The following LUZP2 variants were observed in gnomAD, a reference collection of about 807,000 sequenced individuals.
LUZP2 encodes the protein leucine zipper protein 2.
LUZP2 carries 52 observed loss-of-function variants against 51.6 expected under a neutral mutation model. The observed-to-expected ratio is 1.01, with a 90% CI of 0.81 to 1.27. The LOEUF (loss-of-function observed/expected upper bound fraction) is 1.27. Among genes scored for constraint, LUZP2 ranks in the 50% most tolerant of loss-of-function variants. The pLI, the probability that LUZP2 is intolerant of heterozygous loss-of-function variation, is 0.00. For synonymous variants in LUZP2, 154 were observed against 137.3 expected (o/e 1.12, Z -0.85); for missense variants, 436 against 395.4 (o/e 1.10, Z -0.87).
At chr11:24,675,606 A>C (rs927563112) in intron 1 of LUZP2, among the ~76,000 whole-genome samples, 1 of 152,230 alleles carries the variant, frequency 6.6e-6, no homozygotes, top group Admixed American at 6.5e-5. Flanking sequence ...TGAATAAAGT[A>C]AGCTCTACAT....
At chr11:24,989,357 A>G (rs183841097) in intron 9 of LUZP2, among the ~76,000 whole-genome samples, 2 of 152,194 alleles carry the variant, frequency 1.3e-5, no homozygotes, top group African/African-American at 4.8e-5. Flanking sequence ...CAAATCTCAC[A>G]TTCCTAAAGA....
intron 9 of LUZP2, among the ~76,000 whole-genome samples, chr11:25,000,881 T>A (rs1416757589): frequency 1.3e-5 from 2 of 151,352 alleles, no homozygotes; most frequent in African/African-American, 4.8e-5. Flanking sequence ...GAATAGATTT[T>A]GTTATTTCTT....
At chr11:24,826,190 A>AAAAAAAAAATATATAT (rs1215786412) in intron 5 of LUZP2, among the ~76,000 whole-genome samples, 10 of 67,546 alleles carry the variant, frequency 1.5e-4, no homozygotes, top group African/African-American at 3.5e-4. Context: ...AAAAAAAAAA[A>AAAAAAAAAATATATAT]ATATATATAT....
chr11:24,961,130 G>C (rs1338216695), intron 7 of LUZP2, among the ~76,000 whole-genome samples: 1 of 152,120 alleles, frequency 6.6e-6, no homozygotes, highest in Non-Finnish European at 1.5e-5. Flanking sequence ...TATAATTTCT[G>C]TTCTTTTACA....
chr11:24,990,205 T>C (rs1243986374), intron 9 of LUZP2, among the ~76,000 whole-genome samples: 5 of 152,032 alleles, frequency 3.3e-5, no homozygotes, highest in Non-Finnish European at 7.4e-5. Context: ...TCAGGTTGCT[T>C]ATATCTAGCA....
At chr11:24,670,402 C>T (rs1565066790) in intron 1 of LUZP2, among the ~76,000 whole-genome samples, 1 of 152,004 alleles carries the variant, frequency 6.6e-6, no homozygotes, top group Non-Finnish European at 1.5e-5. Flanking sequence ...AATAAAGCTT[C>T]AAATAGTTAA....
chr11:25,036,370 TG>T (rs1332801290), intron 9 of LUZP2, among the ~76,000 whole-genome samples: 1 of 152,068 alleles, frequency 6.6e-6, no homozygotes, highest in Non-Finnish European at 1.5e-5. Flanking sequence ...TCTTTTTCTT[TG>T]TTAGTCTAGC....
At chr11:24,566,806 T>G (rs951802369) in intron 1 of LUZP2, among the ~76,000 whole-genome samples, 41 of 142,836 alleles carry the variant, frequency 2.9e-4, no homozygotes, top group Non-Finnish European at 5.1e-4. Context: ...ATATACATAT[T>G]TATATATAAC....
chr11:24,880,754 G>A (rs1442917732), intron 5 of LUZP2, among the ~76,000 whole-genome samples: 2 of 151,534 alleles, frequency 1.3e-5, no homozygotes, highest in African/African-American at 4.9e-5. Flanking sequence ...GTGTGTGTGT[G>A]TATGTGTATG....
At chr11:24,779,091 C>G (rs1849019261) in intron 5 of LUZP2, among the ~76,000 whole-genome samples, 2 of 151,946 alleles carry the variant, frequency 1.3e-5, no homozygotes, top group African/African-American at 4.8e-5. Flanking sequence ...GAAAAATACA[C>G]CATGAACAAT....
intron 7 of LUZP2, among the ~76,000 whole-genome samples, chr11:24,924,041 A>G (rs1854154142): frequency 6.6e-6 from 1 of 151,622 alleles, no homozygotes; most frequent in South Asian, 2.1e-4. Context: ...AAAGAATGCA[A>G]CTGCTTGCCC....
intron 4 of LUZP2, among the ~76,000 whole-genome samples, chr11:24,753,174 T>A (rs1389174440): frequency 1.3e-5 from 2 of 152,154 alleles, no homozygotes; most frequent in Non-Finnish European, 2.9e-5. Context: ...CATAAGCAGA[T>A]ACATAGAATA....
intron 1 of LUZP2, among the ~76,000 whole-genome samples, chr11:24,648,588 G>A (rs187534452): frequency 2.0e-5 from 3 of 151,852 alleles, no homozygotes; most frequent in Non-Finnish European, 4.4e-5. Context: ...AGAAACCAAA[G>A]TACAAATGGA....
intron 8 of LUZP2, among the ~76,000 whole-genome samples, chr11:24,978,663 C>T (rs1240253379): frequency 6.6e-6 from 1 of 151,698 alleles, no homozygotes; most frequent in Non-Finnish European, 1.5e-5. Context: ...TCCCATATCT[C>T]TCACAATTTT....
intron 1 of LUZP2, among the ~76,000 whole-genome samples, chr11:24,663,120 A>G (rs1174008480): frequency 6.6e-6 from 1 of 152,156 alleles, no homozygotes; most frequent in East Asian, 1.9e-4. Flanking sequence ...TGATATTAGT[A>G]ATTATATTTT....
At chr11:24,671,057 G>T (rs895863777) in intron 1 of LUZP2, among the ~76,000 whole-genome samples, 29 of 151,422 alleles carry the variant, frequency 1.9e-4, no homozygotes, top group African/African-American at 7.0e-4. Context: ...ACAATTTTTT[G>T]AATTATTTTC....
At chr11:24,677,826 G>A (rs1442919158) in intron 1 of LUZP2, among the ~76,000 whole-genome samples, 1 of 152,072 alleles carries the variant, frequency 6.6e-6, no homozygotes, top group Non-Finnish European at 1.5e-5. Flanking sequence ...GAGGCGGGCC[G>A]ATCACGAGGT....
intron 4 of LUZP2, among the ~76,000 whole-genome samples, chr11:24,738,959 G>A (rs1859037795): frequency 6.6e-6 from 1 of 151,894 alleles, no homozygotes; most frequent in Admixed American, 6.6e-5. Context: ...CCATGTATAG[G>A]GATTGGACCT....
intron 4 of LUZP2, among the ~76,000 whole-genome samples, chr11:24,742,097 G>T (rs1048354880): frequency 1.5e-5 from 2 of 130,624 alleles, no homozygotes; most frequent in Admixed American, 7.8e-5. Context: ...TTATCCACTT[G>T]TTGATTGATG....
Sources: gnomAD v4.1 joint callset for allele counts (sites outside exome capture counted in the v4.1 genomes callset) on GRCh38, gnomAD v4.1.1 for gene constraint, MANE v1.5 for transcripts, NCBI Gene and HGNC (gene_info 2026-07-23, HGNC 2026-07-21) for gene names.